Variants in LTBP1 observed in about 807,000 individuals in gnomAD.
LTBP1 encodes latent transforming growth factor beta binding protein 1.
In LTBP1, 129 loss-of-function variants were observed where a neutral mutation model predicts 207.6. The observed-to-expected ratio is 0.62, with a 90% CI of 0.54 to 0.72. LTBP1 has a LOEUF of 0.72. Among genes scored for constraint, LTBP1 ranks in the 30% least tolerant of loss-of-function variants. The pLI is 0.00. For synonymous variants in LTBP1, 963 were observed against 833.7 expected (o/e 1.16, Z -2.67); for missense variants, 2,281 against 2,217.2 (o/e 1.03, Z -0.58).
intron 19 of LTBP1, chr2:33,285,823 C>G (rs10169788): frequency 0.36 from 54,296 of 151,198 alleles, 10,586 homozygotes; most frequent in Admixed American, 0.42. Flanking sequence ...ACTAACTGGG[C>G]CCACCCTGCT....
At chr2:33,285,647 C>T (rs1342309432) in intron 19 of LTBP1, 2 of 151,906 alleles carry the variant, frequency 1.3e-5, no homozygotes, top group East Asian at 1.9e-4. Flanking sequence ...TGGGGTTTCA[C>T]CATGTTGGTC....
chr2:33,141,920 G>C (rs1165663773), intron 5 of LTBP1, among the ~76,000 whole-genome samples: 1 of 152,112 alleles, frequency 6.6e-6, no homozygotes, highest in Non-Finnish European at 1.5e-5. Flanking sequence ...GAGGAAAGAG[G>C]CAACCAATTC....
At chr2:32,977,869 A>T (rs1682071685) in intron 2 of LTBP1, among the ~76,000 whole-genome samples, 1 of 151,878 alleles carries the variant, frequency 6.6e-6, no homozygotes, top group African/African-American at 2.4e-5. Context: ...ATCAGTGTTC[A>T]GTTTGTTTCC....
chr2:33,264,361 C>G (rs1314936309), intron 15 of LTBP1, among the ~76,000 whole-genome samples: 1 of 151,986 alleles, frequency 6.6e-6, no homozygotes, highest in Non-Finnish European at 1.5e-5. Flanking sequence ...TCTGTTCTCA[C>G]CAGTTAATAC....
chr2:33,333,074 G>A (rs1256959209), intron 24 of LTBP1: 1 of 152,162 alleles, frequency 6.6e-6, no homozygotes, highest in East Asian at 1.9e-4. Flanking sequence ...GTTATTCTAA[G>A]TGTAACTGAA....
chr2:33,313,537 G>A (rs2094217051), intron 23 of LTBP1, among the ~76,000 whole-genome samples: 1 of 152,184 alleles, frequency 6.6e-6, no homozygotes, highest in South Asian at 2.1e-4. Context: ...AAGCTTTGCA[G>A]TATTCATGTG....
chr2:33,373,663 A>G (rs2095099817), intron 31 of LTBP1, among the ~76,000 whole-genome samples: 2 of 152,180 alleles, frequency 1.3e-5, no homozygotes, highest in Admixed American at 6.5e-5. Flanking sequence ...AGAGATAAGT[A>G]AATGATCTGA....
At chr2:33,300,032 C>A (rs1426727504) in intron 20 of LTBP1, among the ~76,000 whole-genome samples, 5 of 152,140 alleles carry the variant, frequency 3.3e-5, no homozygotes, top group Non-Finnish European at 7.4e-5. Context: ...CCTTCCATAA[C>A]TGCCTATGTT....
chr2:33,138,997 T>C lies in LTBP1; in HGVS notation c.1201+4037T>C, dbSNP rs375502027. Among the ~76,000 whole-genome samples, 17 of 150,966 alleles carry C rather than the reference T, an allele frequency of 1.1e-4. No homozygotes were observed. The East Asian group carries it at 1.8e-3, about 16-fold the overall frequency. On this transcript the variant is annotated intron_variant, in intron 5 of 33. Transcript: ENST00000404816. ...CCTCAGCCTCCCGAGTAGCTGGGACTACAGGCGCCCGCTACCACGCCCGGC... is the reference window on the plus strand; with the variant it reads ...CCTCAGCCTCCCGAGTAGCTGGGACCACAGGCGCCCGCTACCACGCCCGGC...
At position 33,360,679 on chromosome 2, in the gene LTBP1, T is replaced by C. The variant is rs1480235177; in HGVS notation, c.4083T>C (p.Asn1361=). 3.1e-6 allele frequency: 5 copies of C among 1,613,682 alleles called. No individual in the cohort carries two copies. Among genetic ancestry groups the C allele is most frequent in the Non-Finnish European group, 3.4e-6 (4 of 1,179,676 alleles). The change falls in exon 27 of 34, where the codon AAT becomes AAC. Residue 1361 remains asparagine (N), a synonymous_variant. Transcript: ENST00000404816. ...YNLNDASLCD[N]VLAPNVTKQE... is the part of the protein sequence containing the mutation. The stretch of plus-strand genomic sequence containing the variant: ...TCAATGACGCCAGTCTCTGTGATAA[T>C]GTGTTGGCCCCCAATGTCACGAAAC...
chr2:32,965,104 T>C (rs543965226), intron 2 of LTBP1, among the ~76,000 whole-genome samples: 125 of 152,182 alleles, frequency 8.2e-4, no homozygotes, highest in Non-Finnish European at 1.7e-3. Context: ...GGGAAAACCA[T>C]AGAATAATGA....
chr2:33,322,651 C>T (rs1194413528), intron 24 of LTBP1, among the ~76,000 whole-genome samples: 1 of 152,182 alleles, frequency 6.6e-6, no homozygotes, highest in Non-Finnish European at 1.5e-5. Flanking sequence ...CTCATTTAAT[C>T]TTCACAATAA....
At chr2:32,994,447 C>T (rs1041909967) in intron 2 of LTBP1, among the ~76,000 whole-genome samples, 16 of 151,820 alleles carry the variant, frequency 1.1e-4, no homozygotes, top group Admixed American at 5.2e-4. Flanking sequence ...AGAGTCTGCA[C>T]GCTTATCTAA....
At chr2:33,217,338 A>C (rs187422167) in intron 7 of LTBP1, among the ~76,000 whole-genome samples, 2 of 152,362 alleles carry the variant, frequency 1.3e-5, no homozygotes, top group East Asian at 3.9e-4. Flanking sequence ...GAAAAACATC[A>C]AGGTGCTCCC....
intron 3 of LTBP1, among the ~76,000 whole-genome samples, chr2:33,072,758 C>A (rs1362511333): frequency 2.6e-5 from 4 of 152,128 alleles, no homozygotes; most frequent in Non-Finnish European, 5.9e-5. Context: ...CATAGTATCA[C>A]GCAAGTACTC....
intron 15 of LTBP1, among the ~76,000 whole-genome samples, chr2:33,269,060 T>C (rs997924094): frequency 6.6e-6 from 1 of 152,240 alleles, no homozygotes; most frequent in Non-Finnish European, 1.5e-5. Flanking sequence ...TGAACTCTTT[T>C]ATTTCCATGT....
intron 3 of LTBP1, among the ~76,000 whole-genome samples, chr2:33,081,564 G>T (rs927316602): frequency 8.5e-5 from 13 of 152,152 alleles, no homozygotes; most frequent in Non-Finnish European, 1.8e-4. Flanking sequence ...CTGTAATGTT[G>T]AAAGGACCTG....
chr2:33,136,209 T>A (rs143480387), intron 5 of LTBP1, among the ~76,000 whole-genome samples: 1 of 152,306 alleles, frequency 6.6e-6, no homozygotes, highest in East Asian at 1.9e-4. Flanking sequence ...CTGGGCATAG[T>A]TTTTAAAAGA....
At chr2:33,220,629 A>G (rs963005975) in intron 8 of LTBP1, among the ~76,000 whole-genome samples, 2 of 152,232 alleles carry the variant, frequency 1.3e-5, no homozygotes, top group African/African-American at 4.8e-5. Context: ...TCTGCCTTCA[A>G]GTAGATGACT....
Sources: allele counts gnomAD v4.1 joint callset (sites outside exome capture counted in the v4.1 genomes callset), GRCh38; gene constraint gnomAD v4.1.1; transcripts MANE v1.5; gene names NCBI Gene and HGNC (gene_info 2026-07-23, HGNC 2026-07-21).